BABAM2: variants seen among roughly 807,000 people sequenced by gnomAD.
BABAM2 encodes the protein BRISC and BRCA1-A complex member 2.
In BABAM2, 31 loss-of-function variants were observed where a neutral mutation model predicts 54.7. That is an observed-to-expected ratio of 0.57 (90% CI 0.43 to 0.77). BABAM2 has a LOEUF of 0.77. Among genes scored for constraint, BABAM2 ranks in the 30% least tolerant of loss-of-function variants. BABAM2 has a pLI of 0.00. For missense variants in BABAM2, 364 were observed against 455.8 expected (o/e 0.80, Z 1.83); for synonymous variants, 167 against 162.9 (o/e 1.03, Z -0.19).
intron 5 of BABAM2, among the ~76,000 whole-genome samples, chr2:28,043,697 A>G (rs907705650): frequency 1.3e-5 from 2 of 152,234 alleles, no homozygotes; most frequent in Non-Finnish European, 1.5e-5. Context: ...TGTTAGTTTT[A>G]GAGTCATCTA....
At chr2:28,041,068 G>T (rs1161166542) in intron 5 of BABAM2, among the ~76,000 whole-genome samples, 2 of 152,196 alleles carry the variant, frequency 1.3e-5, no homozygotes, top group East Asian at 3.8e-4. Flanking sequence ...AAAATAACTA[G>T]CAGTTCAAAT....
intron 8 of BABAM2, among the ~76,000 whole-genome samples, chr2:28,241,073 C>T (rs1682381862): frequency 6.6e-6 from 1 of 152,016 alleles, no homozygotes; most frequent in African/African-American, 2.4e-5. Context: ...GAGATGCATA[C>T]TGAAATATTT....
intron 10 of BABAM2, among the ~76,000 whole-genome samples, chr2:28,261,405 C>T (rs1684519525): frequency 1.3e-5 from 2 of 150,932 alleles, no homozygotes; most frequent in South Asian, 2.1e-4. Context: ...TCTTGGCTTA[C>T]TGCAAGCTCC....
intron 7 of BABAM2, among the ~76,000 whole-genome samples, chr2:28,217,535 T>C (rs972715539): frequency 1.3e-5 from 2 of 152,244 alleles, no homozygotes; most frequent in African/African-American, 4.8e-5. Flanking sequence ...GGCTTAGGGA[T>C]GTTTTAAACA....
intron 11 of BABAM2, among the ~76,000 whole-genome samples, chr2:28,331,474 GA>G (rs1338415296): frequency 1.3e-4 from 19 of 150,660 alleles, no homozygotes; most frequent in Non-Finnish European, 2.5e-4. Flanking sequence ...AAATTTATAG[GA>G]AAAAAACAAC....
At chr2:28,097,226 C>G (rs1666708244) in intron 6 of BABAM2, among the ~76,000 whole-genome samples, 1 of 152,078 alleles carries the variant, frequency 6.6e-6, no homozygotes, top group Non-Finnish European at 1.5e-5. Context: ...AATGCAGATT[C>G]ATTTACCAGA....
chr2:28,056,100 T>A (rs960456265), intron 6 of BABAM2, among the ~76,000 whole-genome samples: 6 of 151,310 alleles, frequency 4.0e-5, no homozygotes, highest in Admixed American at 4.0e-4. Flanking sequence ...TGGTGGTGAG[T>A]GGTGAATGGG....
intron 6 of BABAM2, among the ~76,000 whole-genome samples, chr2:28,125,588 C>T (rs914769402): frequency 1.6e-4 from 24 of 152,116 alleles, no homozygotes; most frequent in Non-Finnish European, 8.8e-5. Flanking sequence ...CCACCGCGCC[C>T]GGCCTGTTGC....
intron 8 of BABAM2, among the ~76,000 whole-genome samples, chr2:28,240,355 C>G (rs1682299599): frequency 6.6e-6 from 1 of 151,994 alleles, no homozygotes; most frequent in Admixed American, 6.6e-5. Flanking sequence ...AATTCCTGGC[C>G]TGAAGTAATC....
chr2:28,282,608 T>C (rs941831436), intron 10 of BABAM2, among the ~76,000 whole-genome samples: 3 of 152,152 alleles, frequency 2.0e-5, no homozygotes, highest in South Asian at 2.1e-4. Context: ...GGCTTACTCC[T>C]AGTAGAAAGG....
chr2:28,073,001 C>G (rs2148660875), intron 6 of BABAM2, among the ~76,000 whole-genome samples: 1 of 152,218 alleles, frequency 6.6e-6, no homozygotes, highest in South Asian at 2.1e-4. Context: ...ACTTTAGCTC[C>G]TGTTCAGTTT....
chr2:28,305,806 C>A (rs896004455), intron 11 of BABAM2, among the ~76,000 whole-genome samples: 1 of 152,048 alleles, frequency 6.6e-6, no homozygotes, highest in African/African-American at 2.4e-5. Flanking sequence ...CTAATGTCTT[C>A]CTTTTCAAGT....
At chr2:28,006,259 C>T (rs867556362) in intron 4 of BABAM2, among the ~76,000 whole-genome samples, 1 of 151,946 alleles carries the variant, frequency 6.6e-6, no homozygotes, top group African/African-American at 2.4e-5. Flanking sequence ...ATATATGTCC[C>T]AAATTTCTTG....
chr2:28,236,066 A>G lies in BABAM2; in HGVS notation c.681-1136A>G, dbSNP rs115166803. On this transcript the variant is annotated intron_variant, in intron 7 of 11. Coordinates refer to ENST00000379624, the MANE Select transcript of BABAM2 (RefSeq NM_199191.3). ...TCTTGGATAATAATCCAACATTATA[A>G]ATAAATAATCACAACATTAAGAAGT... Among the ~76,000 whole-genome samples the G allele has an allele frequency of 5.8e-3, 870 of 151,278 alleles. 8 individuals carry two copies. Among genetic ancestry groups the G allele is most frequent in the African/African-American group, 0.02 (820 of 40,552 alleles).
chr2:28,110,522 G>T (rs1667907705), intron 6 of BABAM2, among the ~76,000 whole-genome samples: 1 of 152,010 alleles, frequency 6.6e-6, no homozygotes, highest in African/African-American at 2.4e-5. Context: ...TACTCGAGAG[G>T]CTGAGGCAGG....
intron 10 of BABAM2, among the ~76,000 whole-genome samples, chr2:28,291,901 T>C (rs1029178309): frequency 6.6e-6 from 1 of 152,224 alleles, no homozygotes; most frequent in Non-Finnish European, 1.5e-5. Context: ...TCGGTAAATA[T>C]ATGGCAGTCT....
chr2:28,165,114 G>A (rs114564406), intron 7 of BABAM2, among the ~76,000 whole-genome samples: 2,982 of 152,260 alleles, frequency 0.02, 96 homozygotes, highest in African/African-American at 0.066. Context: ...AACAGACATC[G>A]TCTTTGCCTT....
At position 28,063,298 on chromosome 2, in the gene BABAM2, C is replaced by T. The variant is rs139221598; in HGVS notation, c.570+17499C>T. Among the ~76,000 whole-genome samples, 627 of 152,078 alleles carry T rather than the reference C, an allele frequency of 4.1e-3. 3 individuals are homozygous for T. Among genetic ancestry groups the T allele is most frequent in the African/African-American group, 0.014 (594 of 41,460 alleles). Reference sequence around the variant, plus strand: ...TGTCCAGTACCAATATAATGCAAGCCGCATATGCAACTTAACATTTTCTAG... The same window carrying T: ...TGTCCAGTACCAATATAATGCAAGCTGCATATGCAACTTAACATTTTCTAG... On this transcript the variant is annotated intron_variant, in intron 6 of 11. Coordinates refer to ENST00000379624, the MANE Select transcript of BABAM2 (RefSeq NM_199191.3).
At chr2:28,049,308 T>C (rs1677828363) in intron 6 of BABAM2, among the ~76,000 whole-genome samples, 1 of 152,232 alleles carries the variant, frequency 6.6e-6, no homozygotes, top group Non-Finnish European at 1.5e-5. Context: ...CTGCTGATAC[T>C]GGATATGGCA....
Sources: gnomAD v4.1 joint callset for allele counts (sites outside exome capture counted in the v4.1 genomes callset) on GRCh38, gnomAD v4.1.1 for gene constraint, MANE v1.5 for transcripts, NCBI Gene and HGNC (gene_info 2026-07-23, HGNC 2026-07-21) for gene names.